Variants in STUM observed in about 807,000 individuals in gnomAD.
STUM encodes stum, mechanosensory transduction mediator homolog, also known as protein stum homolog.
In STUM, 8 loss-of-function variants were observed where a neutral mutation model predicts 15.3. That is an observed-to-expected ratio of 0.52 (90% confidence interval 0.31 to 0.94). The LOEUF (loss-of-function observed/expected upper bound fraction) is 0.94, where lower values mean the gene tolerates loss of function less well. STUM is among the 40% of genes least tolerant of loss of function. STUM has a pLI of 0.05. For synonymous variants in STUM, 78 were observed against 88.7 expected, an observed-to-expected ratio of 0.88 and a Z score of 0.68; for missense variants, 142 against 204.9, an observed-to-expected ratio of 0.69 and a Z score of 1.87.
chr1:226,549,073 T>C lies in STUM; in HGVS notation c.169T>C (p.Cys57Arg). 1 of 1,580,790 alleles carries C rather than the reference T, an allele frequency of 6.3e-7. No homozygotes were observed. The highest frequency in any genetic ancestry group is 8.6e-7 in the Non-Finnish European group (1 of 1,166,250). Residue 57 changes from cysteine to arginine, a missense_variant, in exon 1 of 4, where the codon TGC becomes CGC. By Grantham distance (180) the Cys-to-Arg change is radical. Transcript: ENST00000366788. The surrounding 1 kb of genome is among the most constrained non-coding windows in gnomAD (Gnocchi z 6.8). ...PYMPFPVAVI[C>R]LFLNTFVPGL... ...CATGCCCTTCCCCGTGGCCGTCATCTGCCTCTTCCTCAACACTTTCGTGCC... is the reference window on the plus strand; with the variant it reads ...CATGCCCTTCCCCGTGGCCGTCATCCGCCTCTTCCTCAACACTTTCGTGCC...
intron 1 of STUM, among the ~76,000 whole-genome samples, chr1:226,578,750 G>A (rs930275101): frequency 1.4e-4 from 21 of 152,088 alleles, no homozygotes; most frequent in Admixed American, 3.9e-4. Flanking sequence ...CCCCTGCAGC[G>A]GCTGCTTCCC....
At position 226,576,586 on chromosome 1, in the gene STUM, T is replaced by C. The variant is rs374073479; in HGVS notation, c.203-20216T>C. The stretch of plus-strand genomic sequence containing the variant: ...TTGTGGTAAAATGTGCATAACGTAA[T>C]ATTTACCATTTTAGCCATTTTTAAG... On this transcript the variant is annotated intron_variant, in intron 1 of 3. Coordinates refer to ENST00000366788, the MANE Select transcript of STUM (RefSeq NM_001003665.4). Among the ~76,000 whole-genome samples the C allele has an allele frequency of 2.6e-4, 40 of 152,254 alleles. No homozygotes were observed. In the South Asian group the frequency reaches 6.6e-3, roughly 25 times the overall value.
At chr1:226,576,747 C>G (rs1667821983) in intron 1 of STUM, among the ~76,000 whole-genome samples, 2 of 152,278 alleles carry the variant, frequency 1.3e-5, no homozygotes, top group Admixed American at 1.3e-4. Context: ...CCCTCCCAGG[C>G]CCTGGCAACC....
chr1:226,556,469 T>C (rs1011018160), intron 1 of STUM, among the ~76,000 whole-genome samples: 2 of 152,218 alleles, frequency 1.3e-5, no homozygotes, highest in African/African-American at 2.4e-5. Flanking sequence ...CTGCAGTGGT[T>C]AGGCAATGCT....
At chr1:226,583,433 C>G (rs1024517571) in intron 1 of STUM, among the ~76,000 whole-genome samples, 7 of 152,162 alleles carry the variant, frequency 4.6e-5, no homozygotes, top group Non-Finnish European at 1.0e-4. Flanking sequence ...CGGTGCATTA[C>G]AGATTGATTA....
rs1295178216 is a variant in STUM at position 226,605,904 on chromosome 1, G to T, written c.*3864G>T. ...CCATCCTAATGTGCAGGACCAAGTTGCCCGCTCTGCCAGCCAGGGGCTCCA... is the reference window on the plus strand; with the variant it reads ...CCATCCTAATGTGCAGGACCAAGTTTCCCGCTCTGCCAGCCAGGGGCTCCA... On this transcript the variant is annotated 3_prime_UTR_variant, in exon 4 of 4. Transcript: ENST00000366788. This position sits in a 1 kb window ranked among gnomAD's most constrained non-coding sequence, Gnocchi z 4.0. The T allele has an allele frequency of 6.6e-6, 1 of 152,248 alleles. No homozygotes were observed. Among genetic ancestry groups the T allele is most frequent in the East Asian group, 1.9e-4 (1 of 5,190 alleles). The allele number at this position is 152,248 out of a possible 1,614,324, so 9.4% of individuals were successfully genotyped here.
chr1:226,551,909 T>G (rs567472769), intron 1 of STUM, among the ~76,000 whole-genome samples: 2 of 152,198 alleles, frequency 1.3e-5, no homozygotes, highest in African/African-American at 4.8e-5. Flanking sequence ...AGAAAATCTA[T>G]CACGTGTCCT....
intron 1 of STUM, among the ~76,000 whole-genome samples, chr1:226,594,495 C>G (rs1255119365): frequency 1.3e-5 from 2 of 152,202 alleles, no homozygotes; most frequent in Admixed American, 1.3e-4. Flanking sequence ...AACAGGCCAT[C>G]TACACCTGGG....
rs759835997 is a variant in STUM at position 226,548,932 on chromosome 1, A to ACGG, written c.47_49dup (p.Ala16dup). 133 of 1,443,462 alleles carry ACGG rather than the reference A, an allele frequency of 9.2e-5. No homozygotes were observed. Among genetic ancestry groups the ACGG allele is most frequent in the South Asian group, 2.9e-4 (20 of 69,190 alleles). The allele number at this position is 1,443,462 out of a possible 1,614,324, so 89.4% of individuals were successfully genotyped here. On this transcript the variant is annotated inframe_insertion, in exon 1 of 4. Coordinates refer to ENST00000366788, the MANE Select transcript of STUM (RefSeq NM_001003665.4). ...GGAGCCCTCGCACAAAGACGCCGAG[A>ACGG]CGGCGGCGGCGGCGGCGGCGGTGGC...
intron 1 of STUM, among the ~76,000 whole-genome samples, chr1:226,585,793 T>A (rs1179803891): frequency 6.6e-6 from 1 of 152,152 alleles, no homozygotes; most frequent in African/African-American, 2.4e-5. Context: ...ATGAATGAAA[T>A]GAATTCGGTA....
chr1:226,588,932 G>T (rs1370369915), intron 1 of STUM, among the ~76,000 whole-genome samples: 2 of 152,176 alleles, frequency 1.3e-5, no homozygotes, highest in African/African-American at 2.4e-5. Context: ...TTGAAAAAAG[G>T]CCTTCCTCAA....
At chr1:226,553,245 C>T (rs1667397529) in intron 1 of STUM, among the ~76,000 whole-genome samples, 1 of 152,124 alleles carries the variant, frequency 6.6e-6, no homozygotes, top group Non-Finnish European at 1.5e-5. Context: ...GGAAAGAGGT[C>T]TCCGAAGGTG....
chr1:226,601,056 T>C (rs1187081890), intron 3 of STUM, among the ~76,000 whole-genome samples: 1 of 152,108 alleles, frequency 6.6e-6, no homozygotes, highest in East Asian at 1.9e-4. Context: ...CACTGGCTAA[T>C]AGGAATAACC....
chr1:226,572,064 A>G (rs1667720181), intron 1 of STUM, among the ~76,000 whole-genome samples: 1 of 152,200 alleles, frequency 6.6e-6, no homozygotes, highest in Admixed American at 6.5e-5. Flanking sequence ...GTCAGAGCAG[A>G]GAGGCAACAA....
At chr1:226,556,580 T>C (rs140822208) in intron 1 of STUM, among the ~76,000 whole-genome samples, 1 of 152,302 alleles carries the variant, frequency 6.6e-6, no homozygotes, top group East Asian at 1.9e-4. Flanking sequence ...ATTAGGTTCA[T>C]GATGCCACAA....
In STUM at chr1:226,549,153, GA is replaced by G; in HGVS notation, c.202+48del. The G allele has an allele frequency of 6.6e-7, 1 of 1,519,080 alleles. No individual in the cohort carries two copies. The allele number at this position is 1,519,080 out of a possible 1,614,324, so 94.1% of individuals were successfully genotyped here. A position where few individuals can be genotyped will look rare whatever the true frequency, so the allele number is the denominator to read the frequency against. On this transcript the variant is annotated intron_variant, in intron 1 of 3. Coordinates refer to ENST00000366788, the MANE Select transcript of STUM (RefSeq NM_001003665.4). The surrounding 1 kb of genome is among the most constrained non-coding windows in gnomAD (Gnocchi z 6.8). The stretch of plus-strand genomic sequence containing the variant: ...CCTTGCGACCCCCACCCCGCCGCGG[GA>G]GGGCGTGGGGGGAGAGAAGGGCGCG...
intron 1 of STUM, among the ~76,000 whole-genome samples, chr1:226,569,356 G>A (rs553330462): frequency 6.6e-6 from 1 of 152,288 alleles, no homozygotes; most frequent in South Asian, 2.1e-4. Context: ...GCTGTGAGAG[G>A]CCCAATGCTC....
rs1010734173 is a variant in STUM at position 226,608,777 on chromosome 1, C to T, written c.*6737C>T. 6.6e-6 allele frequency: 1 copy of T among 152,206 alleles called. No individual in the cohort carries two copies. Among genetic ancestry groups the T allele is most frequent in the African/African-American group, 2.4e-5 (1 of 41,424 alleles). The allele number at this position is 152,206 out of a possible 1,614,324, so 9.4% of individuals were successfully genotyped here. On this transcript the variant is annotated 3_prime_UTR_variant, in exon 4 of 4. Transcript: ENST00000366788. This position sits in a 1 kb window ranked among gnomAD's most constrained non-coding sequence, Gnocchi z 4.0. ...TAATGTCGGGGACGTAGGGACGCTT[C>T]CAGACTTGCCCTGGCCGGAACCCTG...
At chr1:226,555,026 G>A (rs761357848) in intron 1 of STUM, among the ~76,000 whole-genome samples, 2 of 152,128 alleles carry the variant, frequency 1.3e-5, no homozygotes, top group African/African-American at 2.4e-5. Flanking sequence ...CAGCAGCACC[G>A]GCCATAGGGG....
Sources: allele counts gnomAD v4.1 joint callset (sites outside exome capture counted in the v4.1 genomes callset), GRCh38; gene constraint gnomAD v4.1.1; non-coding constraint Gnocchi (gnomAD v3.1); transcripts MANE v1.5; gene names NCBI Gene and HGNC (gene_info 2026-07-23, HGNC 2026-07-21).